The following ADCY5 variants were observed in gnomAD, a reference collection of about 807,000 sequenced individuals.
ADCY5 encodes adenylate cyclase 5.
ADCY5 carries 30 observed loss-of-function variants against 119.7 expected under a neutral mutation model. The observed-to-expected ratio is 0.25, with a 90% CI of 0.19 to 0.34. ADCY5 has a LOEUF of 0.34. Ranked by LOEUF, ADCY5 falls within the 10% of genes least tolerant of loss-of-function variation. The pLI is 1.00. For synonymous variants in ADCY5, 753 were observed against 762.2 expected, an observed-to-expected ratio of 0.99 and a Z score of 0.20; for missense variants, 1,324 against 1,775.2, an observed-to-expected ratio of 0.75 and a Z score of 4.57.
rs1439656936 is a variant in ADCY5 at position 123,296,171 on chromosome 3, G to C, written c.2976C>G (p.Ile992Met). 6.2e-6 allele frequency: 10 copies of C among 1,613,846 alleles called. No homozygotes were observed. Among genetic ancestry groups the C allele is most frequent in the African/African-American group, 5.3e-5 (4 of 74,902 alleles). Reference protein sequence around the residue: ...TKVALKVVTPIIISVFVLALY... With the variant: ...TKVALKVVTPMIISVFVLALY... ...GGGCCAGCACAAAGACTGAGATGAT[G>C]ATGGGCGTCACCACCTTCAATGCCA... is the stretch of plus-strand genomic sequence containing the variant. The change falls in exon 17 of 21, where the codon ATC becomes ATG. Residue 992 changes from isoleucine (I) to methionine (M), a missense_variant. Ile to Met is a conservative substitution (Grantham distance 10). Around this residue, in one of 6 missense-constraint regions of ADCY5, gnomAD observed 424 missense variants for 546.8 expected, o/e 0.78. Coordinates refer to ENST00000462833, the MANE Select transcript of ADCY5 (RefSeq NM_183357.3).
chr3:123,376,913 T>C (rs1297628094), intron 1 of ADCY5, among the ~76,000 whole-genome samples: 1 of 152,238 alleles, frequency 6.6e-6, no homozygotes, highest in Admixed American at 6.5e-5. Flanking sequence ...TGAACTCCTG[T>C]CATCCCCTGG....
intron 1 of ADCY5, among the ~76,000 whole-genome samples, chr3:123,407,433 C>T (rs1944928601): frequency 6.6e-6 from 1 of 152,016 alleles, no homozygotes; most frequent in East Asian, 1.9e-4. Flanking sequence ...CTGATTCATA[C>T]TACAATGTGG....
chr3:123,422,351 G>C (rs973503130), intron 1 of ADCY5, among the ~76,000 whole-genome samples: 4 of 152,202 alleles, frequency 2.6e-5, no homozygotes, highest in African/African-American at 9.6e-5. Flanking sequence ...GCTGCCCACG[G>C]AAGTCCCATG....
chr3:123,371,919 T>G (rs992663345), intron 1 of ADCY5, among the ~76,000 whole-genome samples: 1 of 152,142 alleles, frequency 6.6e-6, no homozygotes, highest in African/African-American at 2.4e-5. Flanking sequence ...GTGAGGGGAT[T>G]TGAAGAAGGT....
At chr3:123,295,047 C>T (rs139633868) in intron 17 of ADCY5, among the ~76,000 whole-genome samples, 2,962 of 152,338 alleles carry the variant, frequency 0.019, 44 homozygotes, top group Middle Eastern at 0.065. Context: ...CTGGGATTCT[C>T]CCTGGTTTCC....
intron 1 of ADCY5, among the ~76,000 whole-genome samples, chr3:123,363,155 A>AG (rs1190445582): frequency 6.7e-6 from 1 of 148,274 alleles, no homozygotes; most frequent in African/African-American, 2.6e-5. Flanking sequence ...AAAAAAAAAA[A>AG]AAAAAAAGGA....
chr3:123,296,757 T>C (rs1286191581), intron 16 of ADCY5, among the ~76,000 whole-genome samples: 1 of 152,264 alleles, frequency 6.6e-6, no homozygotes, highest in Non-Finnish European at 1.5e-5. Flanking sequence ...GCACAGCATC[T>C]GACCAACAGT....
chr3:123,372,965 G>A (rs1017493896), intron 1 of ADCY5, among the ~76,000 whole-genome samples: 2 of 152,142 alleles, frequency 1.3e-5, no homozygotes, highest in African/African-American at 4.8e-5. Flanking sequence ...GACAAGCAGA[G>A]GAAAAGGCAG....
At chr3:123,391,894 A>T (rs890233441) in intron 1 of ADCY5, among the ~76,000 whole-genome samples, 3 of 152,118 alleles carry the variant, frequency 2.0e-5, no homozygotes, top group African/African-American at 7.2e-5. Flanking sequence ...CTCCTCCACC[A>T]AGCTCCCAGC....
intron 11 of ADCY5, among the ~76,000 whole-genome samples, chr3:123,317,331 A>ATTT (rs11427256): frequency 3.4e-5 from 5 of 146,870 alleles, no homozygotes; most frequent in Non-Finnish European, 4.5e-5. Context: ...TCTTTTGAAG[A>ATTT]TTTTTTTTTT....
chr3:123,314,561 G>C (rs542087807), intron 11 of ADCY5, among the ~76,000 whole-genome samples: 126 of 152,362 alleles, frequency 8.3e-4, no homozygotes, highest in African/African-American at 2.8e-3. Context: ...GGTGGATTCT[G>C]GAACCGTAAG....
chr3:123,415,543 C>T (rs1945166507), intron 1 of ADCY5, among the ~76,000 whole-genome samples: 1 of 152,128 alleles, frequency 6.6e-6, no homozygotes, highest in Admixed American at 6.5e-5. Flanking sequence ...TCAGCGTCTG[C>T]GGGACCGTTT....
At chr3:123,316,006 C>A (rs746153755) in intron 11 of ADCY5, among the ~76,000 whole-genome samples, 2 of 152,142 alleles carry the variant, frequency 1.3e-5, no homozygotes, top group Non-Finnish European at 2.9e-5. Context: ...GAGCTGGCTG[C>A]CAGTGCCTGA....
chr3:123,294,025 G>A (rs915002281), intron 17 of ADCY5, among the ~76,000 whole-genome samples: 4 of 152,204 alleles, frequency 2.6e-5, no homozygotes, highest in Non-Finnish European at 5.9e-5. Context: ...TCAAATAACA[G>A]ACGCCAACTT....
intron 1 of ADCY5, among the ~76,000 whole-genome samples, chr3:123,436,315 GT>G (rs1206564001): frequency 1.8e-4 from 28 of 152,244 alleles, no homozygotes; most frequent in African/African-American, 6.7e-4. Context: ...AGAGGTTGCA[GT>G]AAGCCAAGAT....
intron 16 of ADCY5, among the ~76,000 whole-genome samples, chr3:123,296,706 T>C (rs1939536155): frequency 7.2e-6 from 1 of 139,708 alleles, no homozygotes; most frequent in African/African-American, 2.8e-5. Context: ...CATTTCAAGA[T>C]GGTAGTAAGG....
intron 15 of ADCY5, 75 bp downstream of exon 15, chr3:123,300,045 C>T: frequency 6.6e-7 from 1 of 1,522,552 alleles, no homozygotes; most frequent in East Asian, 2.3e-5. Context: ...GTGCCAGAAC[C>T]CTAAACCTCC....
At chr3:123,342,547 T>C (rs1005876000) in intron 3 of ADCY5, among the ~76,000 whole-genome samples, 4 of 152,090 alleles carry the variant, frequency 2.6e-5, no homozygotes, top group Non-Finnish European at 4.4e-5. Flanking sequence ...CTGATCCAAG[T>C]TGGTGAACCA....
chr3:123,371,143 A>G (rs1440615660), intron 1 of ADCY5, among the ~76,000 whole-genome samples: 1 of 152,164 alleles, frequency 6.6e-6, no homozygotes, highest in African/African-American at 2.4e-5. Flanking sequence ...GCAGTATCTC[A>G]AGAAGACGAA....
Sources: allele counts gnomAD v4.1 joint callset (sites outside exome capture counted in the v4.1 genomes callset), GRCh38; gene constraint gnomAD v4.1.1; regional missense constraint gnomAD v4.1.1; transcripts MANE v1.5; gene names NCBI Gene and HGNC (gene_info 2026-07-23, HGNC 2026-07-21).